Variants in COL19A1 observed in about 807,000 individuals in gnomAD.
COL19A1 encodes the protein collagen type XIX alpha 1 chain, also known as collagen alpha-1(XIX) chain.
A neutral mutation model predicts 190.2 loss-of-function variants in COL19A1; 159 were observed. The ratio of observed to expected loss-of-function variants is 0.84; its 90% CI spans 0.73 to 0.95. The LOEUF is 0.95. Ranked by LOEUF, COL19A1 falls within the 40% of genes least tolerant of loss-of-function variation. The pLI is 0.00. For synonymous variants in COL19A1, 509 were observed against 458.9 expected, an observed-to-expected ratio of 1.11 and a Z score of -1.39; for missense variants, 1,418 against 1,431.9, an observed-to-expected ratio of 0.99 and a Z score of 0.16.
intron 14 of COL19A1, among the ~76,000 whole-genome samples, chr6:70,058,445 G>A: frequency 6.6e-6 from 1 of 151,890 alleles, no homozygotes; most frequent in South Asian, 2.1e-4. Flanking sequence ...TTTCTTTCTA[G>A]CACAGCTCTT....
intron 20 of COL19A1, 96 bp downstream of exon 20, chr6:70,141,085 T>G: frequency 9.1e-7 from 1 of 1,102,128 alleles, no homozygotes; most frequent in Non-Finnish European, 1.3e-6. Context: ...CTAATAGATT[T>G]GATTAAATAA....
At chr6:70,047,439 T>G (rs1779972542) in intron 14 of COL19A1, among the ~76,000 whole-genome samples, 1 of 152,134 alleles carries the variant, frequency 6.6e-6, no homozygotes, top group Admixed American at 6.5e-5. Flanking sequence ...GATAAATTAT[T>G]CTGAAATATG....
At chr6:70,029,905 T>C (rs1778948742) in intron 12 of COL19A1, among the ~76,000 whole-genome samples, 1 of 152,196 alleles carries the variant, frequency 6.6e-6, no homozygotes, top group Non-Finnish European at 1.5e-5. Context: ...GTGCCTACCG[T>C]ATGCTAAATG....
chr6:70,163,989 G>C (rs1287763739), intron 36 of COL19A1, among the ~76,000 whole-genome samples: 1 of 152,028 alleles, frequency 6.6e-6, no homozygotes, highest in African/African-American at 2.4e-5. Flanking sequence ...ATTCATGAAG[G>C]CTCCACCCTC....
rs1225234345 is a variant in COL19A1, at chr6:70,149,742, A to C, written c.1929+3A>C. ...CAGCTGGAGAGCCAGGTATTCAGGT[A>C]AGCTATTTAACTAATTTTTTAGCAC... On this transcript the variant is annotated splice_donor_region_variant and intron_variant, in intron 28 of 50. Coordinates refer to ENST00000620364, the MANE Select transcript of COL19A1 (RefSeq NM_001858.6). 1 of 1,613,500 alleles carries C rather than the reference A, an allele frequency of 6.2e-7. No homozygotes were observed. The highest frequency in any genetic ancestry group is 2.2e-5 in the East Asian group (1 of 44,844).
chr6:70,167,608 A>G (rs1400811558), intron 37 of COL19A1, among the ~76,000 whole-genome samples: 1 of 152,194 alleles, frequency 6.6e-6, no homozygotes, highest in Admixed American at 6.6e-5. Flanking sequence ...TCAGTAGCCA[A>G]ATTGTTCCCT....
chr6:70,088,370 G>A (rs539745366), intron 15 of COL19A1, among the ~76,000 whole-genome samples: 1 of 151,992 alleles, frequency 6.6e-6, no homozygotes, highest in Non-Finnish European at 1.5e-5. Flanking sequence ...TGTACTAGTG[G>A]TCAGGTATCT....
chr6:69,923,118 C>A (rs943097543), intron 4 of COL19A1, among the ~76,000 whole-genome samples: 15 of 152,026 alleles, frequency 9.9e-5, no homozygotes, highest in South Asian at 4.2e-4. Context: ...TTTCAGAAAA[C>A]CTACTCCTCA....
intron 10 of COL19A1, among the ~76,000 whole-genome samples, chr6:69,961,566 A>G (rs747245510): frequency 7.2e-5 from 11 of 152,212 alleles, no homozygotes; most frequent in African/African-American, 2.7e-4. Context: ...GTTAAAGTCT[A>G]TATTTTAGGA....
intron 15 of COL19A1, among the ~76,000 whole-genome samples, chr6:70,091,743 A>C (rs1181261598): frequency 6.7e-6 from 1 of 148,710 alleles, no homozygotes; most frequent in Non-Finnish European, 1.5e-5. Flanking sequence ...AAAGAACATA[A>C]AAAGAATCTG....
chr6:69,900,575 C>T (rs1023089688), intron 4 of COL19A1, among the ~76,000 whole-genome samples: 7 of 151,784 alleles, frequency 4.6e-5, no homozygotes, highest in African/African-American at 1.7e-4. Flanking sequence ...CATTAGAGAA[C>T]AGTAATTAAA....
At chr6:70,056,991 C>T (rs1780541051) in intron 14 of COL19A1, among the ~76,000 whole-genome samples, 1 of 152,074 alleles carries the variant, frequency 6.6e-6, no homozygotes, top group South Asian at 2.1e-4. Flanking sequence ...ATGGTCTAGT[C>T]ATTTATGTTG....
chr6:70,089,555 A>T (rs1396779723), intron 15 of COL19A1, among the ~76,000 whole-genome samples: 1 of 152,190 alleles, frequency 6.6e-6, no homozygotes, highest in Non-Finnish European at 1.5e-5. Flanking sequence ...TAGGCCAGCC[A>T]ACTGACATAT....
rs986268939 is a variant in COL19A1 at position 70,191,513 on chromosome 6, G to A, written c.3094+1132G>A. Among the ~76,000 whole-genome samples the A allele has an allele frequency of 6.6e-5, 10 of 152,214 alleles. No homozygotes were observed. The East Asian group carries it at 1.9e-3, about 29-fold the overall frequency. On this transcript the variant is annotated intron_variant, in intron 48 of 50. Coordinates refer to ENST00000620364, the MANE Select transcript of COL19A1 (RefSeq NM_001858.6). ...GTTGATAGAAATGTTGACTAAAAAA[G>A]CCAAGAGTCAAGGATTAGGTCTTTC...
At chr6:69,965,018 T>C (rs1179300589) in intron 11 of COL19A1, among the ~76,000 whole-genome samples, 1 of 152,228 alleles carries the variant, frequency 6.6e-6, no homozygotes, top group African/African-American at 2.4e-5. Flanking sequence ...ACTTTATTTC[T>C]AGATTAAACA....
At chr6:69,972,350 G>A (rs77189926) in intron 11 of COL19A1, among the ~76,000 whole-genome samples, 1,609 of 151,920 alleles carry the variant, frequency 0.011, 16 homozygotes, top group Non-Finnish European at 0.015. Flanking sequence ...TTGTTTGTCT[G>A]TTTTTCTTTC....
intron 11 of COL19A1, among the ~76,000 whole-genome samples, chr6:69,979,883 G>T (rs985522009): frequency 6.6e-6 from 1 of 151,652 alleles, no homozygotes. Flanking sequence ...AAAGGGACAA[G>T]ATGTATACAA....
chr6:69,922,817 A>G (rs558950942), intron 4 of COL19A1, among the ~76,000 whole-genome samples: 37 of 152,216 alleles, frequency 2.4e-4, no homozygotes, highest in African/African-American at 8.7e-4. Flanking sequence ...TCAAAGTATC[A>G]TATCAAAATT....
intron 15 of COL19A1, among the ~76,000 whole-genome samples, chr6:70,083,057 G>A (rs1256429988): frequency 6.6e-6 from 1 of 152,204 alleles, no homozygotes; most frequent in African/African-American, 2.4e-5. Context: ...CCAGCCTGGG[G>A]CCTGGGGGTT....
Sources: allele counts gnomAD v4.1 joint callset (sites outside exome capture counted in the v4.1 genomes callset), GRCh38; gene constraint gnomAD v4.1.1; transcripts MANE v1.5; gene names NCBI Gene and HGNC (gene_info 2026-07-23, HGNC 2026-07-21).